The following GPC5 variants were observed in gnomAD, a reference collection of about 807,000 sequenced individuals.
GPC5 encodes the protein glypican 5.
In GPC5, 47 loss-of-function variants were observed where a neutral mutation model predicts 53.9. That is an observed-to-expected ratio of 0.87 (90% CI 0.69 to 1.11). GPC5 has a LOEUF of 1.11. Among genes scored for constraint, GPC5 ranks in the 50% most tolerant of loss-of-function variants. The probability of loss-of-function intolerance (pLI) is 0.00; values close to 1 mark genes in which losing one functional copy is unlikely to be tolerated. For synonymous variants in GPC5, 286 were observed against 263.3 expected, an observed-to-expected ratio of 1.09 and a Z score of -0.84; for missense variants, 748 against 713.1, an observed-to-expected ratio of 1.05 and a Z score of -0.56.
intron 2 of GPC5, among the ~76,000 whole-genome samples, chr13:91,508,381 A>G (rs900650918): frequency 6.6e-6 from 1 of 152,206 alleles, no homozygotes; most frequent in Non-Finnish European, 1.5e-5. Flanking sequence ...ATATTGTTAG[A>G]CGAATAGTGG....
intron 5 of GPC5, among the ~76,000 whole-genome samples, chr13:91,840,441 A>G (rs1297873419): frequency 6.6e-6 from 1 of 152,160 alleles, no homozygotes; most frequent in Non-Finnish European, 1.5e-5. Flanking sequence ...CTCTGGTTAT[A>G]AATCCTGGGA....
intron 4 of GPC5, among the ~76,000 whole-genome samples, chr13:91,754,221 C>T (rs527750856): frequency 1.3e-5 from 2 of 151,998 alleles, no homozygotes; most frequent in African/African-American, 4.8e-5. Flanking sequence ...TGTAGAGAAG[C>T]CTTTGAAGGA....
At chr13:92,700,840 G>A (rs190058250) in intron 7 of GPC5, among the ~76,000 whole-genome samples, 15 of 152,154 alleles carry the variant, frequency 9.9e-5, no homozygotes, top group Admixed American at 3.9e-4. Context: ...ATACAAAAAA[G>A]GGAAAATAGT....
At chr13:92,186,366 C>T (rs1421530554) in intron 7 of GPC5, among the ~76,000 whole-genome samples, 2 of 151,724 alleles carry the variant, frequency 1.3e-5, no homozygotes. Flanking sequence ...AGTATAATTT[C>T]CAGAGACTGC....
chr13:91,435,366 A>T (rs962234375), intron 1 of GPC5, among the ~76,000 whole-genome samples: 7 of 152,174 alleles, frequency 4.6e-5, no homozygotes, highest in Non-Finnish European at 8.8e-5. Flanking sequence ...TCCCATCAAT[A>T]CCTAATTTAT....
intron 2 of GPC5, among the ~76,000 whole-genome samples, chr13:91,675,771 T>C (rs985528093): frequency 9.9e-5 from 15 of 151,950 alleles, no homozygotes; most frequent in African/African-American, 3.6e-4. Flanking sequence ...CAGTATCGTG[T>C]TTCTGGGTTT....
chr13:91,862,658 A>G (rs1446422255), intron 5 of GPC5, among the ~76,000 whole-genome samples: 3 of 152,164 alleles, frequency 2.0e-5, no homozygotes, highest in Non-Finnish European at 2.9e-5. Flanking sequence ...AACCTATTAC[A>G]GTAATATATG....
At chr13:91,984,189 C>T (rs1218978894) in intron 6 of GPC5, among the ~76,000 whole-genome samples, 1 of 152,084 alleles carries the variant, frequency 6.6e-6, no homozygotes, top group Non-Finnish European at 1.5e-5. Flanking sequence ...GTGATGGTTG[C>T]ATTTTGTTGT....
intron 7 of GPC5, among the ~76,000 whole-genome samples, chr13:92,772,374 G>A (rs1165810928): frequency 1.3e-5 from 2 of 152,128 alleles, no homozygotes; most frequent in Non-Finnish European, 2.9e-5. Context: ...GTTCCACCCA[G>A]TTGGCCTCCC....
chr13:92,535,837 G>T (rs184111655), intron 7 of GPC5, among the ~76,000 whole-genome samples: 63 of 152,212 alleles, frequency 4.1e-4, no homozygotes, highest in African/African-American at 1.4e-3. Flanking sequence ...AGGCATGGAT[G>T]TTGGAATATA....
intron 7 of GPC5, among the ~76,000 whole-genome samples, chr13:92,229,417 C>T (rs2042513550): frequency 1.3e-5 from 2 of 151,960 alleles, no homozygotes; most frequent in African/African-American, 4.8e-5. Context: ...TAGTCTCTTA[C>T]AAAAATTATT....
chr13:91,801,113 A>G (rs1371696641), intron 5 of GPC5, among the ~76,000 whole-genome samples: 4 of 152,172 alleles, frequency 2.6e-5, no homozygotes, highest in African/African-American at 9.6e-5. Flanking sequence ...AGATTTTCAT[A>G]GCCTAGTCAT....
chr13:92,324,743 CTTATTA>C (rs1327514805), intron 7 of GPC5, among the ~76,000 whole-genome samples: 2 of 151,626 alleles, frequency 1.3e-5, no homozygotes, highest in African/African-American at 4.8e-5. Context: ...TATCATTCTA[CTTATTA>C]TTATGTTAGT....
chr13:92,255,101 T>C (rs1437234810), intron 7 of GPC5, among the ~76,000 whole-genome samples: 1 of 152,198 alleles, frequency 6.6e-6, no homozygotes, highest in Non-Finnish European at 1.5e-5. Flanking sequence ...GATGCATAAG[T>C]TGTATGCAAA....
chr13:92,025,345 CA>C (rs1288669046), intron 6 of GPC5, among the ~76,000 whole-genome samples: 1 of 152,072 alleles, frequency 6.6e-6, no homozygotes, highest in Non-Finnish European at 1.5e-5. Flanking sequence ...ATCTCTCCCC[CA>C]AAACACTTCT....
intron 7 of GPC5, among the ~76,000 whole-genome samples, chr13:92,405,919 C>A (rs1369350579): frequency 1.3e-5 from 2 of 152,132 alleles, no homozygotes; most frequent in Non-Finnish European, 2.9e-5. Context: ...TCTGTGGTAT[C>A]CTTCCAAGTA....
intron 7 of GPC5, among the ~76,000 whole-genome samples, chr13:92,678,492 A>G (rs1238862604): frequency 2.6e-5 from 4 of 152,214 alleles, no homozygotes; most frequent in Non-Finnish European, 5.9e-5. Context: ...GGATGTAAAA[A>G]ATAACACTGC....
At chr13:91,618,282 G>A (rs967922960) in intron 2 of GPC5, among the ~76,000 whole-genome samples, 60 of 152,110 alleles carry the variant, frequency 3.9e-4, no homozygotes, top group African/African-American at 1.4e-3. Flanking sequence ...CTAAGTGAGT[G>A]AAGGTCACAT....
chr13:91,792,021 T>C (rs2037973675), intron 5 of GPC5, among the ~76,000 whole-genome samples: 2 of 152,240 alleles, frequency 1.3e-5, no homozygotes, highest in Non-Finnish European at 1.5e-5. Flanking sequence ...CATAACGAAT[T>C]CCATGCTTTC....
Sources: allele counts gnomAD v4.1 joint callset (sites outside exome capture counted in the v4.1 genomes callset), GRCh38; gene constraint gnomAD v4.1.1; transcripts MANE v1.5; gene names NCBI Gene and HGNC (gene_info 2026-07-23, HGNC 2026-07-21).